The following MNAT1 variants were observed in gnomAD, a reference collection of about 807,000 sequenced individuals.
The protein encoded by MNAT1 is MNAT1 component of CDK activating kinase.
A neutral mutation model predicts 42.0 loss-of-function variants in MNAT1; 43 were observed. The ratio of observed to expected loss-of-function variants is 1.02; its 90% CI spans 0.80 to 1.32. MNAT1 has a LOEUF of 1.32. Ranked by LOEUF, MNAT1 falls within the 40% of genes most tolerant of loss-of-function variation. The pLI is 0.00. For synonymous variants in MNAT1, 118 were observed against 120.0 expected (o/e 0.98, Z 0.11); for missense variants, 306 against 350.4 (o/e 0.87, Z 1.01).
intron 6 of MNAT1, among the ~76,000 whole-genome samples, chr14:60,822,639 G>C (rs1167249230): frequency 6.7e-6 from 1 of 149,402 alleles, no homozygotes; most frequent in Non-Finnish European, 1.5e-5. Flanking sequence ...GCAGGGTATA[G>C]TTATGTTGGC....
chr14:60,801,871 C>T (rs2032212217), intron 3 of MNAT1, among the ~76,000 whole-genome samples: 1 of 152,100 alleles, frequency 6.6e-6, no homozygotes, highest in Non-Finnish European at 1.5e-5. Flanking sequence ...ATGGAATCAA[C>T]CTAAGTGTCC....
intron 1 of MNAT1, among the ~76,000 whole-genome samples, chr14:60,777,567 C>T (rs1220469042): frequency 6.6e-6 from 1 of 151,656 alleles, no homozygotes. Context: ...TTTTCTTTAC[C>T]TTCATATTGG....
intron 1 of MNAT1, among the ~76,000 whole-genome samples, chr14:60,776,572 G>A (rs181705303): frequency 1.3e-5 from 2 of 152,022 alleles, no homozygotes; most frequent in African/African-American, 2.4e-5. Flanking sequence ...AACTGTCCTG[G>A]GGGGGGAGGA....
intron 6 of MNAT1, among the ~76,000 whole-genome samples, chr14:60,830,010 G>A (rs1298936368): frequency 6.6e-6 from 1 of 152,124 alleles, no homozygotes; most frequent in Non-Finnish European, 1.5e-5. Context: ...GGAAAAAGAA[G>A]GAAGATGTGT....
chr14:60,856,681 C>T (rs4151269), intron 6 of MNAT1, among the ~76,000 whole-genome samples: 12 of 148,602 alleles, frequency 8.1e-5, no homozygotes, highest in Admixed American at 5.4e-4. Context: ...AGTGCTCATT[C>T]GCTTTTTTTT....
chr14:60,772,127 A>G (rs1473020555), intron 1 of MNAT1, among the ~76,000 whole-genome samples: 1 of 152,132 alleles, frequency 6.6e-6, no homozygotes, highest in Non-Finnish European at 1.5e-5. Context: ...TCACTAGGGA[A>G]TTTAAAATTA....
intron 3 of MNAT1, among the ~76,000 whole-genome samples, chr14:60,801,696 G>A (rs1319015507): frequency 3.3e-5 from 5 of 152,188 alleles, no homozygotes; most frequent in Non-Finnish European, 7.4e-5. Context: ...TGAGGATATG[G>A]AGAAAAGGGA....
intron 6 of MNAT1, among the ~76,000 whole-genome samples, chr14:60,862,247 G>C (rs2034113359): frequency 6.6e-6 from 1 of 152,172 alleles, no homozygotes; most frequent in South Asian, 2.1e-4. Context: ...TAAGCAAGGA[G>C]AGTAATTTTT....
At chr14:60,928,604 T>C (rs1192440532) in intron 7 of MNAT1, among the ~76,000 whole-genome samples, 1 of 152,186 alleles carries the variant, frequency 6.6e-6, no homozygotes. Flanking sequence ...GATATTGAGC[T>C]TCTTTTTATG....
chr14:60,835,778 C>T (rs952249052), intron 6 of MNAT1, among the ~76,000 whole-genome samples: 1 of 152,128 alleles, frequency 6.6e-6, no homozygotes, highest in African/African-American at 2.4e-5. Flanking sequence ...GAATGTTGGC[C>T]TGCCTTGCTA....
chr14:60,965,972 A>T (rs1171241070), intron 7 of MNAT1, among the ~76,000 whole-genome samples: 1 of 152,122 alleles, frequency 6.6e-6, no homozygotes, highest in Non-Finnish European at 1.5e-5. Flanking sequence ...CTTAACATTT[A>T]CTTCATTTCT....
chr14:60,748,395 T>C (rs1409686518), intron 1 of MNAT1, among the ~76,000 whole-genome samples: 1 of 152,086 alleles, frequency 6.6e-6, no homozygotes, highest in Non-Finnish European at 1.5e-5. Flanking sequence ...TGTGCCCAGT[T>C]AGTTTTTTGA....
intron 7 of MNAT1, among the ~76,000 whole-genome samples, chr14:60,886,819 G>A (rs538147613): frequency 3.9e-5 from 6 of 151,996 alleles, no homozygotes; most frequent in Admixed American, 3.9e-4. Context: ...ATGCAGAGAG[G>A]CATAATTTTA....
chr14:60,918,850 T>C (rs1213477371), intron 7 of MNAT1, among the ~76,000 whole-genome samples: 1 of 151,138 alleles, frequency 6.6e-6, no homozygotes, highest in Non-Finnish European at 1.5e-5. Context: ...TGGGTTGTGG[T>C]GATGATTGCT....
intron 7 of MNAT1, among the ~76,000 whole-genome samples, chr14:60,914,870 G>T (rs2035477851): frequency 6.6e-6 from 1 of 152,104 alleles, no homozygotes; most frequent in Non-Finnish European, 1.5e-5. Context: ...AGTGAACATG[G>T]GTAGCAAATC....
At chr14:60,798,634 A>G (rs1309881466) in intron 3 of MNAT1, among the ~76,000 whole-genome samples, 1 of 152,154 alleles carries the variant, frequency 6.6e-6, no homozygotes, top group Admixed American at 6.5e-5. Flanking sequence ...AATCAGTATT[A>G]TTCTGGAATC....
intron 3 of MNAT1, among the ~76,000 whole-genome samples, chr14:60,798,999 A>G (rs192165110): frequency 2.4e-4 from 37 of 152,322 alleles, no homozygotes; most frequent in Admixed American, 1.1e-3. Context: ...GAAGATTTAT[A>G]TATGATAAAC....
intron 1 of MNAT1, among the ~76,000 whole-genome samples, chr14:60,749,044 T>A (rs1416301039): frequency 2.0e-5 from 3 of 152,200 alleles, no homozygotes; most frequent in Non-Finnish European, 4.4e-5. Flanking sequence ...ATTTTTCAGC[T>A]GTATTATAAT....
chr14:60,941,288 T>A (rs555957697), intron 7 of MNAT1, among the ~76,000 whole-genome samples: 7 of 152,236 alleles, frequency 4.6e-5, no homozygotes, highest in Non-Finnish European at 8.8e-5. Flanking sequence ...TTAATGAATT[T>A]ATGGTCAATA....
Sources: gnomAD v4.1 joint callset for allele counts (sites outside exome capture counted in the v4.1 genomes callset) on GRCh38, gnomAD v4.1.1 for gene constraint, MANE v1.5 for transcripts, NCBI Gene and HGNC (gene_info 2026-07-23, HGNC 2026-07-21) for gene names.